CDC20B: variants seen among roughly 807,000 people sequenced by gnomAD.
The protein encoded by CDC20B is cell division cycle protein 20 homolog B.
CDC20B carries 58 observed loss-of-function variants against 64.1 expected under a neutral mutation model. The observed-to-expected ratio is 0.90, with a 90% CI of 0.73 to 1.13. CDC20B has a LOEUF of 1.13. Ranked by LOEUF, CDC20B falls within the 50% of genes most tolerant of loss-of-function variation. The pLI is 0.00. For missense variants in CDC20B, 597 were observed against 633.0 expected (o/e 0.94, Z 0.61); for synonymous variants, 243 against 230.6 (o/e 1.05, Z -0.49).
chr5:55,134,282 A>G (rs373219634), intron 5 of CDC20B, among the ~76,000 whole-genome samples: 2 of 152,192 alleles, frequency 1.3e-5, no homozygotes, highest in Non-Finnish European at 2.9e-5. Context: ...ATGGCTTCTG[A>G]TAAAAGCATG....
intron 2 of CDC20B, among the ~76,000 whole-genome samples, chr5:55,171,271 C>A (rs1744590048): frequency 6.6e-6 from 1 of 152,188 alleles, no homozygotes; most frequent in East Asian, 1.9e-4. Flanking sequence ...CGAGATTGCA[C>A]CACTGCACTC....
At position 55,147,149 on chromosome 5, in the gene CDC20B, A is replaced by G. The variant is rs12521559; in HGVS notation, c.127-293T>C. Among the ~76,000 whole-genome samples, 4 of 142,964 alleles carry G rather than the reference A, an allele frequency of 2.8e-5. 1 individual carries two copies. Among genetic ancestry groups the G allele is most frequent in the African/African-American group, 1.0e-4 (4 of 38,884 alleles). 93.8% of individuals were successfully genotyped at this position (142,964 alleles called of 152,430 possible). A position where few individuals can be genotyped will look rare whatever the true frequency, so the allele number is the denominator to read the frequency against. On this transcript the variant is annotated intron_variant, in intron 2 of 11. Coordinates refer to ENST00000381375, the MANE Select transcript of CDC20B (RefSeq NM_001170402.1). Reference sequence around the variant, plus strand: ...CATAAATATGTTGTTTTATATATTTATATATTATATAAACATAAATATGTT... The same window carrying G: ...CATAAATATGTTGTTTTATATATTTGTATATTATATAAACATAAATATGTT...
rs891457221 is a variant in CDC20B, at chr5:55,143,551, C to T, written c.448G>A (p.Asp150Asn). The T allele has an allele frequency of 1.2e-6, 2 of 1,610,852 alleles. No individual in the cohort carries two copies. The highest frequency in any genetic ancestry group is 2.7e-5 in the African/African-American group (2 of 74,850). ...GCAACACTTTCTTTCCAGTCTCTGT[C>T]CATTGCATGAGGTGCCTTGCAAAAA... ...LHFCKAPHAM[D>N]RDWKESVASK... Residue 150 changes from aspartate (D) to asparagine (N), a missense_variant, in exon 4 of 12, where the codon GAC becomes AAC. Physicochemically the swap from Asp to Asn is conservative, Grantham distance 23 (BLOSUM62 1). Around this residue, in one of 3 missense-constraint regions of CDC20B, gnomAD observed 241 missense variants for 219.2 expected, o/e 1.10. Transcript: ENST00000381375.
intron 2 of CDC20B, among the ~76,000 whole-genome samples, chr5:55,147,853 T>C (rs1336815105): frequency 2.0e-5 from 3 of 152,140 alleles, no homozygotes; most frequent in African/African-American, 7.2e-5. Flanking sequence ...AAACAGCAAT[T>C]TTCTAGTCCA....
intron 10 of CDC20B, 88 bp downstream of exon 10, chr5:55,120,337 C>T (rs1380849104): frequency 2.0e-6 from 3 of 1,474,934 alleles, no homozygotes; most frequent in East Asian, 2.3e-5. Context: ...AGAAAGAGAG[C>T]TTGTTGGGGG....
At chr5:55,137,176 CAAAAA>C (rs56678420) in intron 5 of CDC20B, 72 of 114,410 alleles carry the variant, frequency 6.3e-4, no homozygotes, top group South Asian at 1.7e-3. Flanking sequence ...GACTCTGTCT[CAAAAA>C]AAAAAAAAAA....
rs190346779 is a variant in CDC20B, at chr5:55,166,074, A to G, written c.126+6514T>C. 14 of 152,232 alleles carry G rather than the reference A, an allele frequency of 9.2e-5. No homozygotes were observed. In the East Asian group the frequency reaches 2.7e-3, roughly 29 times the overall value. 9.4% of individuals were successfully genotyped at this position (152,232 alleles called of 1,614,324 possible). On this transcript the variant is annotated intron_variant, in intron 2 of 11. Coordinates refer to ENST00000381375, the MANE Select transcript of CDC20B (RefSeq NM_001170402.1). ...CCCCTCCAAGTGTTGGTGCCAGAGC[A>G]CTCTTGCCTTGTATCCTCACCTACG...
At chr5:55,155,381 C>T (rs1743780012) in intron 2 of CDC20B, among the ~76,000 whole-genome samples, 1 of 152,116 alleles carries the variant, frequency 6.6e-6, no homozygotes, top group South Asian at 2.1e-4. Flanking sequence ...CAGAAAAGAC[C>T]TGCTGGCGAT....
intron 2 of CDC20B, among the ~76,000 whole-genome samples, chr5:55,159,829 A>C (rs1036323379): frequency 1.4e-4 from 21 of 152,212 alleles, no homozygotes; most frequent in African/African-American, 5.1e-4. Flanking sequence ...GCATCCAAAC[A>C]GTTGCTCAAT....
intron 6 of CDC20B, among the ~76,000 whole-genome samples, chr5:55,131,360 T>C (rs336103): frequency 0.16 from 24,750 of 151,922 alleles, 2,395 homozygotes; most frequent in South Asian, 0.3. Flanking sequence ...AAAGCTAAGA[T>C]CAATTAAAAT....
chr5:55,172,423 G>T, intron 2 of CDC20B, 165 bp downstream of exon 2: 1 of 584,114 alleles, frequency 1.7e-6, no homozygotes, highest in Non-Finnish European at 3.0e-6. Flanking sequence ...TTATTTGTCT[G>T]GGATCTTCAG....
chr5:55,152,425 G>A (rs336088), intron 2 of CDC20B, among the ~76,000 whole-genome samples: 127,256 of 152,304 alleles, frequency 0.84, 53,324 homozygotes, highest in African/African-American at 0.89. Context: ...TATATGAATC[G>A]GAGGGAGTGT....
At chr5:55,133,153 G>T (rs1743072889) in intron 6 of CDC20B, among the ~76,000 whole-genome samples, 1 of 152,112 alleles carries the variant, frequency 6.6e-6, no homozygotes, top group Non-Finnish European at 1.5e-5. Flanking sequence ...CATAAGAATA[G>T]ACCATCATTA....
intron 5 of CDC20B, chr5:55,136,535 G>C (rs936665351): frequency 6.7e-6 from 1 of 149,008 alleles, no homozygotes; most frequent in African/African-American, 2.5e-5. Context: ...CTCCAGCCTG[G>C]ACGATAGAGC....
intron 2 of CDC20B, among the ~76,000 whole-genome samples, chr5:55,171,838 C>T (rs1051227887): frequency 6.6e-6 from 1 of 152,176 alleles, no homozygotes; most frequent in Non-Finnish European, 1.5e-5. Context: ...GTCTTGGCCT[C>T]AAGTGATCCT....
At chr5:55,137,093 C>T (rs1743196148) in intron 5 of CDC20B, 1 of 153,550 alleles carries the variant, frequency 6.5e-6, no homozygotes, top group Admixed American at 6.4e-5. Flanking sequence ...AGGAGAATCG[C>T]TTGAACCCGG....
At chr5:55,167,874 A>T (rs979837121) in intron 2 of CDC20B, among the ~76,000 whole-genome samples, 4 of 151,974 alleles carry the variant, frequency 2.6e-5, no homozygotes, top group African/African-American at 4.8e-5. Context: ...TACAAAAAAA[A>T]TTTTTAAATT....
At chr5:55,152,245 C>T (rs989382655) in intron 2 of CDC20B, among the ~76,000 whole-genome samples, 1 of 152,226 alleles carries the variant, frequency 6.6e-6, no homozygotes, top group African/African-American at 2.4e-5. Context: ...GCCTCCGTAA[C>T]TAGAAGAGAA....
chr5:55,126,686 C>T (rs1163970617), intron 8 of CDC20B, among the ~76,000 whole-genome samples: 1 of 152,118 alleles, frequency 6.6e-6, no homozygotes, highest in Non-Finnish European at 1.5e-5. Flanking sequence ...ATCAGCATCA[C>T]TTGGGAAATG....
Sources: allele counts gnomAD v4.1 joint callset (sites outside exome capture counted in the v4.1 genomes callset), GRCh38; gene constraint gnomAD v4.1.1; regional missense constraint gnomAD v4.1.1; transcripts MANE v1.5; gene names NCBI Gene and HGNC (gene_info 2026-07-23, HGNC 2026-07-21).